The following ADD2 variants were observed in gnomAD, a reference collection of about 807,000 sequenced individuals.
ADD2 encodes adducin 2.
ADD2 carries 23 observed loss-of-function variants against 83.0 expected under a neutral mutation model. The ratio of observed to expected loss-of-function variants is 0.28; its 90% CI spans 0.20 to 0.39. The LOEUF is 0.39. Among genes scored for constraint, ADD2 ranks in the 10% least tolerant of loss-of-function variants. The probability of loss-of-function intolerance (pLI) is 1.00; values close to 1 mark genes in which losing one functional copy is unlikely to be tolerated. For synonymous variants in ADD2, 375 were observed against 375.4 expected, an observed-to-expected ratio of 1.00 and a Z score of 0.01; for missense variants, 758 against 944.9, an observed-to-expected ratio of 0.80 and a Z score of 2.59.
intron 1 of ADD2, among the ~76,000 whole-genome samples, chr2:70,741,589 C>A (rs118158230): frequency 6.6e-6 from 1 of 152,174 alleles, no homozygotes; most frequent in African/African-American, 2.4e-5. Context: ...CATTCCCATA[C>A]GTATTTTTCT....
chr2:70,719,863 C>T (rs187502135), intron 1 of ADD2, among the ~76,000 whole-genome samples: 9 of 152,250 alleles, frequency 5.9e-5, no homozygotes, highest in African/African-American at 2.2e-4. Context: ...TGCTCTTTGG[C>T]CCAATCTGAG....
intron 1 of ADD2, among the ~76,000 whole-genome samples, chr2:70,754,059 T>G (rs1049626548): frequency 3.3e-5 from 5 of 151,970 alleles, no homozygotes; most frequent in African/African-American, 4.8e-5. Flanking sequence ...GGCTGAGGGG[T>G]GAGGCAGGAA....
At chr2:70,704,271 C>CCCCCCCCCCCCCCCCCCA in intron 4 of ADD2, 50 bp downstream of exon 4, 2 of 1,279,030 alleles carry the variant, frequency 1.6e-6, no homozygotes, top group Non-Finnish European at 2.2e-6. Context: ...CTTCCCCACC[C>CCCCCCCCCCCCCCCCCCA]CACCCTCCCC....
chr2:70,686,074 A>C (rs1257697756), intron 9 of ADD2, among the ~76,000 whole-genome samples: 1 of 152,190 alleles, frequency 6.6e-6, no homozygotes, highest in South Asian at 2.1e-4. Flanking sequence ...CAAGGAAGAA[A>C]ACTTGGCCCA....
intron 1 of ADD2, among the ~76,000 whole-genome samples, chr2:70,748,479 G>T (rs1427593802): frequency 1.3e-5 from 2 of 152,064 alleles, no homozygotes; most frequent in African/African-American, 2.4e-5. Context: ...AGATCTTTAT[G>T]GCTTCTCCTG....
chr2:70,752,013 T>C (rs1553383013), intron 1 of ADD2, among the ~76,000 whole-genome samples: 1 of 152,208 alleles, frequency 6.6e-6, no homozygotes, highest in African/African-American at 2.4e-5. Context: ...TTATCAAACA[T>C]AAACATTTTT....
intron 1 of ADD2, among the ~76,000 whole-genome samples, chr2:70,753,579 G>A (rs2104536965): frequency 6.6e-6 from 1 of 152,194 alleles, no homozygotes; most frequent in Admixed American, 6.5e-5. Flanking sequence ...AGCATGTCAG[G>A]GATGTGTGTC....
intron 1 of ADD2, among the ~76,000 whole-genome samples, chr2:70,733,264 G>A (rs144889926): frequency 1.3e-5 from 2 of 152,292 alleles, no homozygotes; most frequent in African/African-American, 4.8e-5. Context: ...CTTCTCCCCA[G>A]TGATCCCTCG....
intron 1 of ADD2, among the ~76,000 whole-genome samples, chr2:70,731,179 A>T (rs782342082): frequency 2.0e-5 from 3 of 152,112 alleles, no homozygotes; most frequent in Non-Finnish European, 4.4e-5. Flanking sequence ...AGCCCTGGAC[A>T]CCTGGGCAAG....
intron 1 of ADD2, among the ~76,000 whole-genome samples, chr2:70,765,187 T>C (rs1675317015): frequency 6.6e-6 from 1 of 151,962 alleles, no homozygotes; most frequent in Non-Finnish European, 1.5e-5. Context: ...ACCCCGTCTC[T>C]ACTAAAAATG....
chr2:70,704,263 T>TTGCC, intron 4 of ADD2, 58 bp downstream of exon 4: 43 of 913,238 alleles, frequency 4.7e-5, no homozygotes, highest in Middle Eastern at 2.9e-4. Context: ...CTCCCTCTCT[T>TTGCC]CCCCACCCCA....
intron 1 of ADD2, among the ~76,000 whole-genome samples, chr2:70,758,557 G>A (rs1199004831): frequency 3.9e-5 from 6 of 152,112 alleles, no homozygotes; most frequent in Non-Finnish European, 8.8e-5. Flanking sequence ...GGCTTTATCC[G>A]GAGGGTAGAG....
At chr2:70,708,349 C>T (rs1233694254) in intron 2 of ADD2, among the ~76,000 whole-genome samples, 2 of 152,174 alleles carry the variant, frequency 1.3e-5, no homozygotes, top group Non-Finnish European at 2.9e-5. Context: ...TGCACAATAG[C>T]ATCACCTGGG....
In ADD2 at chr2:70,657,006, A is replaced by AATATATATAT. The variant is rs3064807; in HGVS notation, c.*6409_*6418dup. On this transcript the variant is annotated 3_prime_UTR_variant, in exon 16 of 16. Coordinates refer to ENST00000264436, the MANE Select transcript of ADD2 (RefSeq NM_001617.4). ...GAAAACTATACAAAACCAACCCATAAATATATATATATATATAATATGTGT... is the reference window on the plus strand; with the variant it reads ...GAAAACTATACAAAACCAACCCATAAATATATATATATATATATATATATATAATATGTGT... 5.4e-5 allele frequency: 8 copies of AATATATATAT among 147,690 alleles called. No individual in the cohort carries two copies. The South Asian group carries it at 1.1e-3, about 20-fold the overall frequency. The allele number at this position is 147,690 out of a possible 1,614,324, so 9.1% of individuals were successfully genotyped here.
At position 70,688,016 on chromosome 2, in the gene ADD2, T is replaced by C; in HGVS notation, c.948+8A>G. 1.5e-5 allele frequency: 24 copies of C among 1,612,906 alleles called. No homozygotes were observed. Among genetic ancestry groups the C allele is most frequent in the Non-Finnish European group, 2.0e-5 (24 of 1,178,956 alleles). ...TCCTGGGCCCACTTTCCAGGAGAATTTGCTCACCTGTATCTCACATGCAGC... is the reference window on the plus strand; with the variant it reads ...TCCTGGGCCCACTTTCCAGGAGAATCTGCTCACCTGTATCTCACATGCAGC... On this transcript the variant is annotated splice_region_variant and intron_variant, in intron 9 of 15. Transcript: ENST00000264436.
intron 1 of ADD2, among the ~76,000 whole-genome samples, chr2:70,734,833 T>A (rs1428506622): frequency 6.6e-6 from 1 of 152,308 alleles, no homozygotes; most frequent in East Asian, 1.9e-4. Flanking sequence ...TTGCACCTAT[T>A]TGAGTAAGTG....
chr2:70,733,252 G>A (rs558936421), intron 1 of ADD2, among the ~76,000 whole-genome samples: 84 of 152,262 alleles, frequency 5.5e-4, no homozygotes, highest in African/African-American at 1.8e-3. Flanking sequence ...CTGCTGGCTC[G>A]TCTTCTCCCC....
intron 6 of ADD2, 28 bp downstream of exon 6, chr2:70,695,693 G>A (rs1484686229): frequency 1.9e-6 from 3 of 1,598,282 alleles, no homozygotes; most frequent in Non-Finnish European, 2.6e-6. Context: ...TCAATAAGGA[G>A]TGGGCAGTGA....
intron 1 of ADD2, among the ~76,000 whole-genome samples, chr2:70,738,253 C>T (rs1302994945): frequency 6.6e-6 from 1 of 152,104 alleles, no homozygotes; most frequent in Non-Finnish European, 1.5e-5. Flanking sequence ...TCAACCTCAC[C>T]TAACTTTTCA....
Sources: gnomAD v4.1 joint callset for allele counts (sites outside exome capture counted in the v4.1 genomes callset) on GRCh38, gnomAD v4.1.1 for gene constraint, MANE v1.5 for transcripts, NCBI Gene and HGNC (gene_info 2026-07-23, HGNC 2026-07-21) for gene names.